IL1RAPL1: variants seen among roughly 807,000 people sequenced by gnomAD.
The protein encoded by IL1RAPL1 is interleukin-1 receptor accessory protein-like 1.
In IL1RAPL1, 3 loss-of-function variants were observed where a neutral mutation model predicts 48.4. That is an observed-to-expected ratio of 0.06 (90% CI 0.03 to 0.16). The LOEUF (loss-of-function observed/expected upper bound fraction) is 0.16. IL1RAPL1 is among the 10% of genes least tolerant of loss of function. The pLI, the probability that IL1RAPL1 is intolerant of heterozygous loss-of-function variation, is 1.00. For synonymous variants in IL1RAPL1, 185 were observed against 187.7 expected (o/e 0.99, Z 0.12); for missense variants, 349 against 530.6 (o/e 0.66, Z 3.36).
intron 6 of IL1RAPL1, among the ~76,000 whole-genome samples, chrX:29,779,476 A>G (rs1929284011): frequency 9.0e-6 from 1 of 111,430 alleles, no homozygotes; most frequent in South Asian, 3.8e-4. Flanking sequence ...AATGAGGATC[A>G]ATAAACTGCC....
At chrX:28,617,504 A>G (rs747230770) in intron 1 of IL1RAPL1, among the ~76,000 whole-genome samples, 1 of 112,413 alleles carries the variant, frequency 8.9e-6, no homozygotes, top group East Asian at 2.8e-4. Flanking sequence ...TGCTTTGAGA[A>G]TTAAAAGAGT....
intron 3 of IL1RAPL1, among the ~76,000 whole-genome samples, chrX:29,319,152 A>ATCTATCTATCTGTCTGTCTGCCTGTCTG (rs368138032): frequency 1.3e-5 from 1 of 74,087 alleles, no homozygotes; most frequent in Non-Finnish European, 2.5e-5. Context: ...ATATCTGTCT[A>ATCTATCTATCTGTCTGTCTGCCTGTCTG]TCTGTCTGTC....
At chrX:29,343,926 G>C (rs1933115965) in intron 3 of IL1RAPL1, among the ~76,000 whole-genome samples, 1 of 111,767 alleles carries the variant, frequency 8.9e-6, no homozygotes, top group Non-Finnish European at 1.9e-5. Context: ...AGGTAGGAGA[G>C]CAAGGGAGGA....
intron 6 of IL1RAPL1, among the ~76,000 whole-genome samples, chrX:29,827,093 T>C (rs1930754361): frequency 8.9e-6 from 1 of 112,312 alleles, no homozygotes; most frequent in Non-Finnish European, 1.9e-5. Context: ...TTGATTCGCA[T>C]GTCCTTAATG....
At chrX:28,998,762 G>A (rs536457061) in intron 2 of IL1RAPL1, among the ~76,000 whole-genome samples, 1 of 112,021 alleles carries the variant, frequency 8.9e-6, no homozygotes, top group South Asian at 3.7e-4. Flanking sequence ...TGGCTATGAT[G>A]TATCTTTTCT....
At chrX:29,634,981 G>A (rs1337791440) in intron 5 of IL1RAPL1, among the ~76,000 whole-genome samples, 2 of 111,362 alleles carry the variant, frequency 1.8e-5, no homozygotes, top group Non-Finnish European at 3.8e-5. Context: ...TGAACATTGA[G>A]GGAACTAATA....
At chrX:28,643,505 T>A (rs1300206380) in intron 1 of IL1RAPL1, among the ~76,000 whole-genome samples, 2 of 110,860 alleles carry the variant, frequency 1.8e-5, no homozygotes, top group Middle Eastern at 4.3e-3. Context: ...TAGCAGGTGG[T>A]AAGGATCATT....
chrX:29,619,601 T>C (rs987031260), intron 5 of IL1RAPL1, among the ~76,000 whole-genome samples: 4 of 111,822 alleles, frequency 3.6e-5, no homozygotes, highest in Non-Finnish European at 7.5e-5. Context: ...AAAAGCACTT[T>C]AAAATTGTGT....
At chrX:29,904,635 T>C (rs1932570742) in intron 6 of IL1RAPL1, among the ~76,000 whole-genome samples, 1 of 111,378 alleles carries the variant, frequency 9.0e-6, no homozygotes, top group Admixed American at 9.6e-5. Flanking sequence ...GGTTTTCTGT[T>C]CCTGTGTTAG....
chrX:29,951,734 G>A (rs1933323958), intron 9 of IL1RAPL1, among the ~76,000 whole-genome samples: 1 of 112,106 alleles, frequency 8.9e-6, no homozygotes, highest in Admixed American at 9.5e-5. Context: ...GAAGAACACA[G>A]CTTGAGATGG....
intron 3 of IL1RAPL1, among the ~76,000 whole-genome samples, chrX:29,321,161 T>G (rs1391714494): frequency 8.9e-6 from 1 of 112,139 alleles, no homozygotes; most frequent in Non-Finnish European, 1.9e-5. Context: ...GACTAAGTGA[T>G]GAAAGACCAA....
chrX:29,353,491 A>G (rs766106496), intron 3 of IL1RAPL1, among the ~76,000 whole-genome samples: 1 of 111,786 alleles, frequency 8.9e-6, no homozygotes, highest in African/African-American at 3.2e-5. Context: ...TAATTAGCAG[A>G]TATTAGCTAT....
At chrX:29,457,374 G>T in intron 5 of IL1RAPL1, among the ~76,000 whole-genome samples, 1 of 110,660 alleles carries the variant, frequency 9.0e-6, no homozygotes, top group East Asian at 2.8e-4. Context: ...AGTGCCTATT[G>T]TTATCATGTT....
chrX:29,597,149 A>AT (rs35180262), intron 5 of IL1RAPL1, among the ~76,000 whole-genome samples: 4 of 55,960 alleles, frequency 7.1e-5, no homozygotes, highest in Non-Finnish European at 1.3e-4. Context: ...TTTGTTGAGG[A>AT]TTTTTTTTTT....
At chrX:28,608,023 T>C (rs753385450) in intron 1 of IL1RAPL1, among the ~76,000 whole-genome samples, 19 of 111,614 alleles carry the variant, frequency 1.7e-4, no homozygotes, top group African/African-American at 5.8e-4. Context: ...CCTGAGGGCA[T>C]GACATGGACC....
At chrX:29,688,252 A>T (rs1246469944) in intron 6 of IL1RAPL1, among the ~76,000 whole-genome samples, 1 of 111,766 alleles carries the variant, frequency 8.9e-6, no homozygotes, top group Non-Finnish European at 1.9e-5. Flanking sequence ...GAAACCCCTC[A>T]GGAGGTTCTA....
At chrX:29,923,795 A>G (rs1228933074) in intron 8 of IL1RAPL1, among the ~76,000 whole-genome samples, 2 of 111,217 alleles carry the variant, frequency 1.8e-5, no homozygotes, top group African/African-American at 6.6e-5. Context: ...CTCTGACACA[A>G]ACAATAGTCC....
intron 3 of IL1RAPL1, among the ~76,000 whole-genome samples, chrX:29,373,594 A>G (rs1033729484): frequency 3.6e-5 from 4 of 110,995 alleles, no homozygotes; most frequent in Non-Finnish European, 7.5e-5. Flanking sequence ...TGTTCCTTCA[A>G]TGCTTAGTTC....
intron 5 of IL1RAPL1, among the ~76,000 whole-genome samples, chrX:29,627,442 A>G (rs1924647676): frequency 1.8e-5 from 2 of 112,326 alleles, no homozygotes; most frequent in African/African-American, 6.5e-5. Flanking sequence ...TTTGTTTCAA[A>G]TGTGTTTCAA....
Sources: gnomAD v4.1 joint callset for allele counts (sites outside exome capture counted in the v4.1 genomes callset) on GRCh38, gnomAD v4.1.1 for gene constraint, MANE v1.5 for transcripts, NCBI Gene and HGNC (gene_info 2026-07-23, HGNC 2026-07-21) for gene names.